Variants in PLG observed in about 807,000 individuals in gnomAD.
PLG encodes the protein plasminogen.
Under a neutral mutation model 104.4 loss-of-function variants are expected in PLG, and 41 were observed. The ratio of observed to expected loss-of-function variants is 0.39; its 90% CI spans 0.31 to 0.51. The LOEUF (loss-of-function observed/expected upper bound fraction) is 0.51, where lower values mean the gene tolerates loss of function less well. Ranked by LOEUF, PLG falls within the 20% of genes least tolerant of loss-of-function variation. The pLI is 0.76. For missense variants in PLG, 891 were observed against 1,003.6 expected (o/e 0.89, Z 1.52); for synonymous variants, 337 against 357.1 (o/e 0.94, Z 0.63).
At chr6:160,727,217 A>G (rs1405567055) in intron 10 of PLG, among the ~76,000 whole-genome samples, 5 of 151,984 alleles carry the variant, frequency 3.3e-5, no homozygotes, top group South Asian at 2.1e-4. Context: ...CAAATAAGCA[A>G]ATTGGACACT....
Position 160,713,295 on chromosome 6 carries a change from A to G in PLG, c.547+170A>G, listed in dbSNP as rs1431331745. On this transcript the variant is annotated intron_variant, in intron 5 of 18. Transcript: ENST00000308192. ...TGAATTTTTTTTTTTTCTGAGACAG[A>G]GTTTTGCTCTCGTTGCCCAGGCTAG... 12 of 630,228 alleles carry G rather than the reference A, an allele frequency of 1.9e-5. No homozygotes were observed. In the Admixed American group the frequency reaches 2.5e-4, roughly 13 times the overall value. 39.0% of individuals were successfully genotyped at this position (630,228 alleles called of 1,614,324 possible).
chr6:160,721,875 A>T (rs964787579), intron 9 of PLG, among the ~76,000 whole-genome samples: 4 of 152,148 alleles, frequency 2.6e-5, no homozygotes, highest in Non-Finnish European at 5.9e-5. Context: ...ATTCCCTGTA[A>T]CTTCTCCAAG....
chr6:160,703,844 A>G (rs1000514341), intron 1 of PLG, among the ~76,000 whole-genome samples: 3 of 152,234 alleles, frequency 2.0e-5, no homozygotes, highest in African/African-American at 7.2e-5. Flanking sequence ...GTTTTAACCC[A>G]CCTGGTGGGC....
rs1778418668 is a variant in PLG at position 160,752,390 on chromosome 6, G to A, written c.2271+130G>A. On this transcript the variant is annotated intron_variant, in intron 18 of 18. Coordinates refer to ENST00000308192, the MANE Select transcript of PLG (RefSeq NM_000301.5). The surrounding 1 kb of genome is among the most constrained non-coding windows in gnomAD (Gnocchi z 4.7). ...AAGACCCCAGTCTAAGTGTTGTTTA[G>A]AAACTTCCTAGATCTGTCCCTGAAT... 4 of 809,110 alleles carry A rather than the reference G, an allele frequency of 4.9e-6. No homozygotes were observed. The highest frequency in any genetic ancestry group is 8.5e-6 in the Non-Finnish European group (4 of 472,338). 50.1% of individuals were successfully genotyped at this position (809,110 alleles called of 1,614,324 possible). A position where few individuals can be genotyped will look rare whatever the true frequency, so the allele number is the denominator to read the frequency against.
intron 3 of PLG, among the ~76,000 whole-genome samples, chr6:160,710,097 C>G (rs1187386577): frequency 6.6e-6 from 1 of 152,160 alleles, no homozygotes; most frequent in African/African-American, 2.4e-5. Context: ...CATATCTCGA[C>G]ATTTATTAAT....
rs1355537209 is a variant in PLG, at chr6:160,718,863, T to C, written c.1096+25T>C. 2.5e-6 allele frequency: 4 copies of C among 1,608,490 alleles called. No homozygotes were observed. The African/African-American group carries it at 5.3e-5, about 21-fold the overall frequency. On this transcript the variant is annotated intron_variant, in intron 9 of 18. Transcript: ENST00000308192. The stretch of plus-strand genomic sequence containing the variant: ...GGTAAGCAAGGGTATGGGAGCTTAC[T>C]GAGGGCCCAAGTTTTCTCCTTATTT...
chr6:160,750,775 C>T (rs1030494600), intron 17 of PLG, among the ~76,000 whole-genome samples: 8 of 152,102 alleles, frequency 5.3e-5, no homozygotes, highest in African/African-American at 1.9e-4. Context: ...GTGTCATGCT[C>T]GCAAAGCAAA....
chr6:160,707,247 C>G (rs181409745), intron 2 of PLG, among the ~76,000 whole-genome samples: 19 of 152,128 alleles, frequency 1.2e-4, no homozygotes, highest in African/African-American at 4.6e-4. Context: ...GACTGAGCAC[C>G]CATAGCAGGA....
chr6:160,725,509 A>G lies in PLG; in HGVS notation c.1256+2942A>G, dbSNP rs1451240632. ...AATAATAAGAATGTTCCATTTATCC[A>G]AAAGAAGGAAAGAAAGGAAGAAAAA... On this transcript the variant is annotated intron_variant, in intron 10 of 18. Transcript: ENST00000308192. The surrounding 1 kb of genome is among the most constrained non-coding windows in gnomAD (Gnocchi z 6.3). Among the ~76,000 whole-genome samples the G allele has an allele frequency of 6.6e-6, 1 of 152,126 alleles. No individual in the cohort carries two copies. Among genetic ancestry groups the G allele is most frequent in the Non-Finnish European group, 1.5e-5 (1 of 67,998 alleles).
intron 9 of PLG, among the ~76,000 whole-genome samples, chr6:160,720,324 C>A (rs1284211068): frequency 7.0e-6 from 1 of 143,234 alleles, no homozygotes; most frequent in Non-Finnish European, 1.5e-5. Flanking sequence ...TTATTAATTT[C>A]TTTGTGTTTA....
intron 10 of PLG, 62 bp downstream of exon 10, chr6:160,722,629 C>T (rs1777855053): frequency 6.7e-7 from 1 of 1,485,388 alleles, no homozygotes; most frequent in South Asian, 1.1e-5. Context: ...GTTAAAAGAG[C>T]CATGCTTCAT....
chr6:160,708,663 G>A (rs1582931717), intron 3 of PLG: 2 of 152,256 alleles, frequency 1.3e-5, no homozygotes. Flanking sequence ...GTGTTAAAGA[G>A]GACTGGAAAC....
chr6:160,743,710 G>A (rs962545094), intron 17 of PLG, among the ~76,000 whole-genome samples: 1 of 152,156 alleles, frequency 6.6e-6, no homozygotes, highest in African/African-American at 2.4e-5. Context: ...AATAGGAGTG[G>A]TGAAAGAGGG....
intron 17 of PLG, among the ~76,000 whole-genome samples, chr6:160,748,377 A>AGAGAGAGAGAGAG (rs1562383346): frequency 2.2e-5 from 1 of 45,940 alleles, no homozygotes; most frequent in East Asian, 0.011. Context: ...AGAAAGAAAG[A>AGAGAGAGAGAGAG]AAGAAAGAAA....
rs1280020541 is a variant in PLG, at chr6:160,724,487, T to A, written c.1256+1920T>A. Among the ~76,000 whole-genome samples, 1 of 151,918 alleles carries A rather than the reference T, an allele frequency of 6.6e-6. No homozygotes were observed. Among genetic ancestry groups the A allele is most frequent in the African/African-American group, 2.4e-5 (1 of 41,362 alleles). Reference sequence around the variant, plus strand: ...GAATATCTATGAAAATATCAAAAGATTTCATATATGTGTAAAGCAAGTCAC... The same window carrying A: ...GAATATCTATGAAAATATCAAAAGAATTCATATATGTGTAAAGCAAGTCAC... On this transcript the variant is annotated intron_variant, in intron 10 of 18. Transcript: ENST00000308192. This position sits in a 1 kb window ranked among gnomAD's most constrained non-coding sequence, Gnocchi z 5.0.
rs918457575 is a variant in PLG at position 160,736,799 on chromosome 6, A to C, written c.1682-88A>C. ...TTTAGTTCGGCCTTTAAGATGTCAA[A>C]AACTCAGTGCTTGGAATTTGTCTCG... is the stretch of plus-strand genomic sequence containing the variant. On this transcript the variant is annotated intron_variant, in intron 13 of 18. Transcript: ENST00000308192. The surrounding 1 kb of genome is among the most constrained non-coding windows in gnomAD (Gnocchi z 5.2). 29 of 1,562,802 alleles carry C rather than the reference A, an allele frequency of 1.9e-5. No individual in the cohort carries two copies. Among genetic ancestry groups the C allele is most frequent in the Non-Finnish European group, 2.4e-5 (27 of 1,136,014 alleles).
At chr6:160,717,546 GT>G (rs1777757360) in intron 7 of PLG, among the ~76,000 whole-genome samples, 1 of 151,950 alleles carries the variant, frequency 6.6e-6, no homozygotes, top group African/African-American at 2.4e-5. Context: ...CCTTGGAGGT[GT>G]TTTTTGCCTT....
rs1338042369 is a variant in PLG at position 160,718,797 on chromosome 6, G to A, written c.1055G>A (p.Cys352Tyr). The change falls in exon 9 of 19, where the codon TGT becomes TAT. Residue 352 changes from cysteine (C) to tyrosine (Y), a missense_variant. Transcript: ENST00000308192. ...VRWEYCKIPS[C>Y]DSSPVSTEQL... Reference sequence around the variant, plus strand: ...TGGGAGTACTGTAAGATACCGTCCTGTGACTCCTCCCCAGTATCCACGGAA... The same window carrying A: ...TGGGAGTACTGTAAGATACCGTCCTATGACTCCTCCCCAGTATCCACGGAA... 1 of 1,613,884 alleles carries A rather than the reference G, an allele frequency of 6.2e-7. No individual in the cohort carries two copies. The highest frequency in any genetic ancestry group is 8.5e-7 in the Non-Finnish European group (1 of 1,179,786).
chr6:160,709,689 C>A (rs573629747), intron 3 of PLG, among the ~76,000 whole-genome samples: 2 of 152,300 alleles, frequency 1.3e-5, no homozygotes, highest in African/African-American at 4.8e-5. Flanking sequence ...CCTAGACCTC[C>A]CTTTCACAAA....
Sources: allele counts gnomAD v4.1 joint callset (sites outside exome capture counted in the v4.1 genomes callset), GRCh38; gene constraint gnomAD v4.1.1; non-coding constraint Gnocchi (gnomAD v3.1); transcripts MANE v1.5; gene names NCBI Gene and HGNC (gene_info 2026-07-23, HGNC 2026-07-21).